Variants in PTGR2 observed in about 807,000 individuals in gnomAD.
The protein encoded by PTGR2 is prostaglandin reductase 2, also known as 15-oxoprostaglandin 13-reductase.
A neutral mutation model predicts 43.4 loss-of-function variants in PTGR2; 32 were observed. The ratio of observed to expected loss-of-function variants is 0.74; its 90% CI spans 0.56 to 0.99. The LOEUF (loss-of-function observed/expected upper bound fraction) is 0.99, where lower values mean the gene tolerates loss of function less well. Among genes scored for constraint, PTGR2 ranks in the 50% least tolerant of loss-of-function variants. The probability of loss-of-function intolerance (pLI) is 0.00; values close to 1 mark genes in which losing one functional copy is unlikely to be tolerated. For missense variants in PTGR2, 373 were observed against 420.0 expected, an observed-to-expected ratio of 0.89 and a Z score of 0.98; for synonymous variants, 106 against 139.2, an observed-to-expected ratio of 0.76 and a Z score of 1.68.
intron 6 of PTGR2, 126 bp downstream of exon 6, chr14:73,879,431 G>A: frequency 1.2e-6 from 1 of 829,850 alleles, no homozygotes; most frequent in Non-Finnish European, 1.9e-6. Flanking sequence ...GTGATGATCA[G>A]TATTGTATTT....
intron 1 of PTGR2, among the ~76,000 whole-genome samples, chr14:73,855,286 A>T (rs535612538): frequency 6.6e-6 from 1 of 152,284 alleles, no homozygotes; most frequent in South Asian, 2.1e-4. Context: ...CATAGTGTTT[A>T]TGTTTAAATC....
intron 3 of PTGR2, among the ~76,000 whole-genome samples, chr14:73,870,056 G>A (rs1300546676): frequency 6.6e-6 from 1 of 152,014 alleles, no homozygotes; most frequent in African/African-American, 2.4e-5. Context: ...AATCAGCTGG[G>A]CATGGTGGCT....
intron 3 of PTGR2, among the ~76,000 whole-genome samples, chr14:73,865,987 G>A (rs2140248157): frequency 6.6e-6 from 1 of 151,920 alleles, no homozygotes; most frequent in African/African-American, 2.4e-5. Flanking sequence ...GAGCAAGTGT[G>A]AGTCTTCCAA....
chr14:73,854,473 T>C (rs1000273266), intron 1 of PTGR2, among the ~76,000 whole-genome samples: 3 of 152,212 alleles, frequency 2.0e-5, no homozygotes, highest in African/African-American at 7.2e-5. Flanking sequence ...CCTATATTAA[T>C]TGTAGTATTT....
rs1339164304 is a variant in PTGR2 at position 73,884,537 on chromosome 14, T to A, written c.*360T>A. On this transcript the variant is annotated 3_prime_UTR_variant, in exon 10 of 10. Coordinates refer to ENST00000555661, the MANE Select transcript of PTGR2 (RefSeq NM_001146154.2). The stretch of plus-strand genomic sequence containing the variant: ...TAACTTTTATTAATTTAAAATAGAA[T>A]GCTTAAAATAAAATAGAATGCTTGA... 1.3e-5 allele frequency: 2 copies of A among 153,430 alleles called. No homozygotes were observed. The highest frequency in any genetic ancestry group is 4.8e-5 in the African/African-American group (2 of 41,474). 9.5% of individuals were successfully genotyped at this position (153,430 alleles called of 1,614,324 possible).
At chr14:73,872,588 T>C (rs939804791) in intron 3 of PTGR2, among the ~76,000 whole-genome samples, 50 of 152,376 alleles carry the variant, frequency 3.3e-4, no homozygotes, top group African/African-American at 1.2e-3. Context: ...TTCATGCATT[T>C]AAATGTACAA....
chr14:73,878,567 T>G (rs1352360410), intron 5 of PTGR2: 1 of 359,222 alleles, frequency 2.8e-6, no homozygotes, highest in Non-Finnish European at 5.3e-6. Flanking sequence ...TCTCTCGAGA[T>G]GCTGGGCAGC....
chr14:73,862,939 C>T (rs557345603), intron 3 of PTGR2, among the ~76,000 whole-genome samples: 89 of 152,170 alleles, frequency 5.8e-4, no homozygotes, highest in African/African-American at 2.0e-3. Flanking sequence ...AACTCCTGGA[C>T]TCAAGCAATA....
chr14:73,859,208 A>G (rs1413745056), intron 2 of PTGR2, among the ~76,000 whole-genome samples: 4 of 152,102 alleles, frequency 2.6e-5, no homozygotes, highest in African/African-American at 9.7e-5. Context: ...TTGTTTCTTT[A>G]GAGTATGTTA....
intron 3 of PTGR2, among the ~76,000 whole-genome samples, chr14:73,870,331 A>G (rs2054699292): frequency 1.3e-5 from 2 of 150,772 alleles, no homozygotes; most frequent in African/African-American, 4.9e-5. Context: ...GATGCCTGCC[A>G]CCACGCCCAG....
At chr14:73,852,393 C>G (rs923869068) in intron 1 of PTGR2, among the ~76,000 whole-genome samples, 1 of 152,040 alleles carries the variant, frequency 6.6e-6, no homozygotes, top group African/African-American at 2.4e-5. Context: ...TCCCGAGTAG[C>G]TGGGATTACT....
intron 3 of PTGR2, among the ~76,000 whole-genome samples, chr14:73,868,221 C>T (rs922066818): frequency 3.3e-5 from 5 of 151,784 alleles, no homozygotes; most frequent in South Asian, 2.1e-4. Context: ...CCCGGGAGGC[C>T]GAGGTTGCAG....
At chr14:73,875,820 C>CTTTTTTT (rs953891690) in intron 4 of PTGR2, among the ~76,000 whole-genome samples, 35 of 94,390 alleles carry the variant, frequency 3.7e-4, no homozygotes, top group Non-Finnish European at 5.4e-4. Flanking sequence ...TTAAAAGTTT[C>CTTTTTTT]TTTTTTTTTT....
At chr14:73,864,226 C>T (rs2140245540) in intron 3 of PTGR2, among the ~76,000 whole-genome samples, 1 of 152,274 alleles carries the variant, frequency 6.6e-6, no homozygotes, top group East Asian at 1.9e-4. Flanking sequence ...CACAACTTGG[C>T]TATTAGCAAT....
intron 3 of PTGR2, among the ~76,000 whole-genome samples, chr14:73,865,683 C>G (rs1354700818): frequency 2.0e-5 from 3 of 152,096 alleles, no homozygotes; most frequent in African/African-American, 7.2e-5. Context: ...TGCAAGCCAC[C>G]ACACCTGACC....
chr14:73,876,840 C>G (rs564160778), intron 4 of PTGR2, among the ~76,000 whole-genome samples, 158 bp from the exon 5 acceptor site: 311 of 152,206 alleles, frequency 2.0e-3, no homozygotes, highest in African/African-American at 7.0e-3. Flanking sequence ...TAAATGTCTC[C>G]TTTAAGTGCC....
intron 3 of PTGR2, among the ~76,000 whole-genome samples, chr14:73,862,095 T>C (rs1595351302): frequency 6.6e-6 from 1 of 152,012 alleles, no homozygotes; most frequent in Non-Finnish European, 1.5e-5. Context: ...GCCAGCCTGG[T>C]GTCAAACTGT....
chr14:73,876,583 C>T (rs758030363), intron 4 of PTGR2, among the ~76,000 whole-genome samples: 3 of 147,204 alleles, frequency 2.0e-5, no homozygotes, highest in Non-Finnish European at 3.0e-5. Context: ...TCAAGCGATT[C>T]TCCTGCCTCA....
At chr14:73,862,199 G>A (rs1968106) in intron 3 of PTGR2, among the ~76,000 whole-genome samples, 6 of 149,164 alleles carry the variant, frequency 4.0e-5, no homozygotes, top group Admixed American at 1.3e-4. Context: ...ATTAACTTTT[G>A]TTGTTGTTGT....
Sources: gnomAD v4.1 joint callset for allele counts (sites outside exome capture counted in the v4.1 genomes callset) on GRCh38, gnomAD v4.1.1 for gene constraint, MANE v1.5 for transcripts, NCBI Gene and HGNC (gene_info 2026-07-23, HGNC 2026-07-21) for gene names.